The following NAT1 variants were observed in gnomAD, a reference collection of about 807,000 sequenced individuals.
NAT1 encodes arylamine N-acetyltransferase 1.
For synonymous variants in NAT1, 144 were observed against 122.6 expected, an observed-to-expected ratio of 1.17 and a Z score of -1.16; for missense variants, 400 against 339.2, an observed-to-expected ratio of 1.18 and a Z score of -1.41.
At chr8:18,190,505 C>T (rs901413578) in intron 2 of NAT1, among the ~76,000 whole-genome samples, 3 of 152,174 alleles carry the variant, frequency 2.0e-5, no homozygotes, top group Non-Finnish European at 2.9e-5. Flanking sequence ...TGTTTATTAG[C>T]CCAGGCGAAA....
chr8:18,221,862 C>A (rs969448387), intron 2 of NAT1, 180 bp from the exon 3 acceptor site: 45 of 577,580 alleles, frequency 7.8e-5, no homozygotes, highest in Non-Finnish European at 2.0e-5. Flanking sequence ...TCACAGGATT[C>A]TGGGACTATT....
intron 1 of NAT1, among the ~76,000 whole-genome samples, chr8:18,213,818 CTTT>C (rs768875808): frequency 1.4e-5 from 2 of 142,910 alleles, no homozygotes; most frequent in Non-Finnish European, 1.5e-5. Flanking sequence ...CGTCATATTT[CTTT>C]TTTTTTTTTT....
upstream of NAT1, among the ~76,000 whole-genome samples, chr8:18,205,582 C>G (rs1315297771): frequency 1.3e-5 from 2 of 152,132 alleles, no homozygotes; most frequent in Admixed American, 1.3e-4. Context: ...GCAGACTGTA[C>G]TCCCGCCACA....
chr8:18,220,392 C>T (rs1054102827), intron 2 of NAT1, among the ~76,000 whole-genome samples: 8 of 152,030 alleles, frequency 5.3e-5, no homozygotes, highest in African/African-American at 7.2e-5. Flanking sequence ...CCATTCATCT[C>T]GGGGCAGGTC....
chr8:18,206,897 T>C (rs1224719181), upstream of NAT1, among the ~76,000 whole-genome samples: 2 of 152,216 alleles, frequency 1.3e-5, no homozygotes, highest in African/African-American at 4.8e-5. Flanking sequence ...TTGTCAGTTT[T>C]TGCTTTTGTT....
chr8:18,203,823 C>A (rs1393382371), intron 2 of NAT1, among the ~76,000 whole-genome samples: 4 of 152,026 alleles, frequency 2.6e-5, no homozygotes, highest in Admixed American at 6.6e-5. Context: ...AAAAGCAGCC[C>A]CAAATCGTTT....
intron 1 of NAT1, among the ~76,000 whole-genome samples, chr8:18,218,022 A>G (rs1242353772): frequency 6.6e-6 from 1 of 152,164 alleles, no homozygotes; most frequent in Non-Finnish European, 1.5e-5. Flanking sequence ...CTGAGACCGT[A>G]AGTGGGAGGA....
intron 2 of NAT1, among the ~76,000 whole-genome samples, chr8:18,195,892 C>T (rs1222823993): frequency 4.6e-5 from 7 of 151,788 alleles, no homozygotes; most frequent in African/African-American, 7.3e-5. Flanking sequence ...CACATAAATA[C>T]ACACACTCAG....
chr8:18,203,667 T>C (rs1325957885), intron 2 of NAT1, among the ~76,000 whole-genome samples: 1 of 152,210 alleles, frequency 6.6e-6, no homozygotes, highest in Non-Finnish European at 1.5e-5. Flanking sequence ...TGTCCTCCAT[T>C]GTGAGCTCTA....
chr8:18,207,233 T>G (rs1803761706), upstream of NAT1, among the ~76,000 whole-genome samples: 1 of 152,214 alleles, frequency 6.6e-6, no homozygotes, highest in Non-Finnish European at 1.5e-5. Flanking sequence ...TTGGTCTATG[T>G]GTCCGTTTTT....
At position 18,222,054 on chromosome 8, in the gene NAT1, A is replaced by G. The variant is rs868623536; in HGVS notation, c.7A>G (p.Ile3Val). Reference protein sequence around the residue: MDIEAYLERIGYK... With the variant: MDVEAYLERIGYK... ...TTTCCTTGCTTAGGGGATCATGGAC[A>G]TTGAAGCATATCTTGAAAGAATTGG... The change falls in exon 3 of 3, where the codon ATT becomes GTT. Residue 3 changes from isoleucine (I) to valine (V), a missense_variant. Coordinates refer to ENST00000307719, the MANE Select transcript of NAT1 (RefSeq NM_000662.8). 9.3e-6 allele frequency: 15 copies of G among 1,611,978 alleles called. No homozygotes were observed. Among genetic ancestry groups the G allele is most frequent in the Non-Finnish European group, 1.3e-5 (15 of 1,178,700 alleles).
At chr8:18,218,495 C>A (rs1804928681) in intron 1 of NAT1, among the ~76,000 whole-genome samples, 1 of 152,136 alleles carries the variant, frequency 6.6e-6, no homozygotes, top group Non-Finnish European at 1.5e-5. Flanking sequence ...TTAGACGCAG[C>A]CACCATGTTA....
rs567203208 is a variant in NAT1 at position 18,188,637 on chromosome 8, T to C, written n.92+17898T>C. ...ATAAAGTAAAAAATAGTGGCTTTTT[T>C]AGTTTTTTAGCTTTTTTAAATGAAA... is the stretch of plus-strand genomic sequence containing the variant. On this transcript the variant is annotated intron_variant and non_coding_transcript_variant, in intron 2 of 4. Transcript: ENST00000517441. Among the ~76,000 whole-genome samples the C allele has an allele frequency of 8.5e-5, 13 of 152,214 alleles. No individual in the cohort carries two copies. The South Asian group carries it at 2.7e-3, about 32-fold the overall frequency.
intron 2 of NAT1, among the ~76,000 whole-genome samples, chr8:18,219,749 G>A (rs1036405024): frequency 4.6e-5 from 7 of 152,288 alleles, no homozygotes; most frequent in African/African-American, 9.6e-5. Context: ...GAATGTTCAC[G>A]TGTGATTTGG....
chr8:18,178,822 A>G (rs1802391843), intron 2 of NAT1, among the ~76,000 whole-genome samples: 1 of 152,230 alleles, frequency 6.6e-6, no homozygotes, highest in Non-Finnish European at 1.5e-5. Context: ...GGCTCCATTC[A>G]GTTTCCTCTC....
chr8:18,222,866 T>C lies in NAT1; in HGVS notation c.819T>C (p.Ile273=), dbSNP rs746370481. The change falls in exon 3 of 3, where the codon ATT becomes ATC. Residue 273 remains isoleucine, a synonymous_variant. Coordinates refer to ENST00000307719, the MANE Select transcript of NAT1 (RefSeq NM_000662.8). Reference sequence around the variant, plus strand: ...AAGTGCTGAAAAATATATTTAATATTTCCTTGCAGAGAAAGCTTGTGCCCA... The same window carrying C: ...AAGTGCTGAAAAATATATTTAATATCTCCTTGCAGAGAAAGCTTGTGCCCA... ...IEKVLKNIFN[I]SLQRKLVPKH... is the part of the protein sequence containing the mutation. 19 of 1,591,240 alleles carry C rather than the reference T, an allele frequency of 1.2e-5. No homozygotes were observed. Among genetic ancestry groups the C allele is most frequent in the Admixed American group, 1.8e-5 (1 of 54,460 alleles).
chr8:18,188,852 A>G (rs1802853265), intron 2 of NAT1, among the ~76,000 whole-genome samples: 2 of 151,700 alleles, frequency 1.3e-5, no homozygotes, highest in African/African-American at 2.4e-5. Context: ...AAAATTAGCC[A>G]GGTGTGGTGG....
Position 18,193,631 on chromosome 8 carries a change from C to CTTTT in NAT1, n.93-16130_93-16127dup, listed in dbSNP as rs796247875. Among the ~76,000 whole-genome samples the CTTTT allele has an allele frequency of 3.2e-3, 184 of 57,560 alleles. 6 individuals are homozygous for CTTTT. The highest frequency in any genetic ancestry group is 4.0e-3 in the Non-Finnish European group (129 of 32,272). The allele number at this position is 57,560 out of a possible 152,430, so 37.8% of individuals were successfully genotyped here. A position where few individuals can be genotyped will look rare whatever the true frequency, so the allele number is the denominator to read the frequency against. Reference sequence around the variant, plus strand: ...TGTAATAATGCTACCTGTAAACCTGCTTTTTTTTTTTTTTTTTTTTTTTCG... The same window carrying CTTTT: ...TGTAATAATGCTACCTGTAAACCTGCTTTTTTTTTTTTTTTTTTTTTTTTTTTCG... On this transcript the variant is annotated intron_variant and non_coding_transcript_variant, in intron 2 of 4. Transcript: ENST00000517441.
At chr8:18,191,265 G>A (rs1389999081) in intron 2 of NAT1, among the ~76,000 whole-genome samples, 1 of 152,084 alleles carries the variant, frequency 6.6e-6, no homozygotes, top group African/African-American at 2.4e-5. Context: ...TACAGTATGA[G>A]AAGAACACAA....
Sources: gnomAD v4.1 joint callset for allele counts (sites outside exome capture counted in the v4.1 genomes callset) on GRCh38, gnomAD v4.1.1 for gene constraint, MANE v1.5 for transcripts, NCBI Gene and HGNC (gene_info 2026-07-23, HGNC 2026-07-21) for gene names.